ITCH: variants seen among roughly 807,000 people sequenced by gnomAD.
ITCH encodes itchy E3 ubiquitin protein ligase, also known as E3 ubiquitin-protein ligase Itchy homolog.
In ITCH, 28 loss-of-function variants were observed where a neutral mutation model predicts 126.8. That is an observed-to-expected ratio of 0.22 (90% CI 0.16 to 0.30). The LOEUF (loss-of-function observed/expected upper bound fraction) is 0.30. Ranked by LOEUF, ITCH falls within the 10% of genes least tolerant of loss-of-function variation. The pLI is 1.00. For missense variants in ITCH, 631 were observed against 1,032.4 expected, an observed-to-expected ratio of 0.61 and a Z score of 5.33; for synonymous variants, 342 against 340.0, an observed-to-expected ratio of 1.01 and a Z score of -0.06.
intron 6 of ITCH, among the ~76,000 whole-genome samples, chr20:34,414,379 A>G (rs1415882649): frequency 6.7e-6 from 1 of 148,494 alleles, no homozygotes; most frequent in African/African-American, 2.5e-5. Flanking sequence ...TAGATGCCAC[A>G]CCGCCAACTG....
At chr20:34,436,736 A>G (rs932317672) in intron 7 of ITCH, among the ~76,000 whole-genome samples, 9 of 152,224 alleles carry the variant, frequency 5.9e-5, no homozygotes, top group Non-Finnish European at 1.2e-4. Flanking sequence ...ATTTCTGACA[A>G]GCTCCTGTAT....
At chr20:34,480,268 G>T (rs1056520170) in intron 18 of ITCH, among the ~76,000 whole-genome samples, 1 of 151,910 alleles carries the variant, frequency 6.6e-6, no homozygotes, top group African/African-American at 2.4e-5. Flanking sequence ...CGTGATCTCG[G>T]CCCACCACAA....
chr20:34,457,297 A>G, intron 12 of ITCH, 93 bp from the exon 13 acceptor site: 2 of 841,618 alleles, frequency 2.4e-6, no homozygotes, highest in South Asian at 2.9e-5. Flanking sequence ...GAAATGAGAA[A>G]TGGGCAAATT....
chr20:34,384,913 C>T (rs768871868), intron 2 of ITCH, among the ~76,000 whole-genome samples: 5 of 152,074 alleles, frequency 3.3e-5, no homozygotes, highest in South Asian at 2.1e-4. Context: ...CCACCTGCCT[C>T]GGCCTCCTAA....
chr20:34,479,847 C>G, intron 18 of ITCH, 58 bp downstream of exon 18: 1 of 1,448,738 alleles, frequency 6.9e-7, no homozygotes, highest in South Asian at 1.1e-5. Flanking sequence ...TAAATTTTCT[C>G]TTAGGTGCCA....
chr20:34,506,860 A>G (rs1403232651), intron 24 of ITCH, among the ~76,000 whole-genome samples: 1 of 152,156 alleles, frequency 6.6e-6, no homozygotes, highest in East Asian at 1.9e-4. Context: ...ACTTAGAATA[A>G]TATCTTTAAT....
At chr20:34,478,972 C>A (rs910116212) in intron 17 of ITCH, among the ~76,000 whole-genome samples, 3 of 152,084 alleles carry the variant, frequency 2.0e-5, no homozygotes, top group African/African-American at 4.8e-5. Flanking sequence ...AGGCTTATGC[C>A]ACATGTATTA....
chr20:34,502,996 A>G (rs1250772933), intron 23 of ITCH, among the ~76,000 whole-genome samples: 1 of 152,204 alleles, frequency 6.6e-6, no homozygotes, highest in African/African-American at 2.4e-5. Context: ...AGGGTGACAG[A>G]GTGAGACTCT....
At chr20:34,368,663 C>G (rs780477198) in intron 1 of ITCH, among the ~76,000 whole-genome samples, 6 of 152,222 alleles carry the variant, frequency 3.9e-5, no homozygotes, top group Non-Finnish European at 8.8e-5. Flanking sequence ...GTTCCTGCCT[C>G]TATCCTCCTC....
At chr20:34,495,373 T>C (rs1009162974) in intron 23 of ITCH, among the ~76,000 whole-genome samples, 3 of 151,292 alleles carry the variant, frequency 2.0e-5, no homozygotes, top group East Asian at 1.9e-4. Context: ...TGTATAGTGC[T>C]ATAGAACACT....
intron 7 of ITCH, among the ~76,000 whole-genome samples, chr20:34,432,854 G>GGCT (rs1982492938): frequency 1.3e-5 from 2 of 152,132 alleles, no homozygotes; most frequent in Non-Finnish European, 2.9e-5. Flanking sequence ...CTACACAAAA[G>GGCT]GCTGAGTCAG....
chr20:34,400,441 A>G (rs1465398796), intron 3 of ITCH, among the ~76,000 whole-genome samples: 2 of 152,024 alleles, frequency 1.3e-5, no homozygotes, highest in African/African-American at 4.8e-5. Context: ...AGACACATGA[A>G]AGAAGAGAGT....
At chr20:34,470,719 G>A (rs778265768) in intron 15 of ITCH, among the ~76,000 whole-genome samples, 67 of 151,778 alleles carry the variant, frequency 4.4e-4, no homozygotes, top group Admixed American at 1.2e-3. Flanking sequence ...CAGCCTTCTC[G>A]CTAGCTGACA....
intron 11 of ITCH, among the ~76,000 whole-genome samples, chr20:34,446,847 C>G (rs1277119397): frequency 6.6e-6 from 1 of 152,172 alleles, no homozygotes; most frequent in African/African-American, 2.4e-5. Context: ...CTCCATATGA[C>G]TTTGAGTAAG....
At chr20:34,380,714 G>A (rs547551728) in intron 2 of ITCH, among the ~76,000 whole-genome samples, 10 of 149,648 alleles carry the variant, frequency 6.7e-5, no homozygotes, top group African/African-American at 2.0e-4. Context: ...GCCTCCTAAG[G>A]TGCTATGATT....
rs1989783817 is a variant in ITCH, at chr20:34,495,252, CAAA to C, written c.2416+2657_2416+2659del. Among the ~76,000 whole-genome samples the C allele has an allele frequency of 2.3e-4, 33 of 145,482 alleles. No individual in the cohort carries two copies. The Admixed American group carries it at 2.3e-3, about 10-fold the overall frequency. On this transcript the variant is annotated intron_variant, in intron 23 of 24. Transcript: ENST00000374864. The stretch of plus-strand genomic sequence containing the variant: ...TACATTCCAGCCTGGGCGACAAGAA[CAAA>C]ACTCCAACTCAAAAATAAATAAATA...
At position 34,415,199 on chromosome 20, in the gene ITCH, G is replaced by T. The variant is rs150661180; in HGVS notation, c.475+1320G>T. ...ATTATGAAACATTTTGCAGCTGTCA[G>T]GTGCTATTCTTTTTCTACTTTGTTG... On this transcript the variant is annotated intron_variant, in intron 6 of 24. Coordinates refer to ENST00000374864, the MANE Select transcript of ITCH (RefSeq NM_031483.7). 8.4e-4 allele frequency among the ~76,000 whole-genome samples: 128 copies of T among 152,236 alleles called. 1 individual carries two copies. The highest frequency in any genetic ancestry group is 2.6e-3 in the African/African-American group (110 of 41,538).
Position 34,436,863 on chromosome 20 carries a change from G to C in ITCH, c.522-1611G>C, listed in dbSNP as rs1027709559. ...TATGAGGACTGGTACGCAGTGGCTC[G>C]TGCCTGTAATTGTAGCACTTTGGGA... On this transcript the variant is annotated intron_variant, in intron 7 of 24. Transcript: ENST00000374864. 2.6e-5 allele frequency among the ~76,000 whole-genome samples: 4 copies of C among 152,180 alleles called. No homozygotes were observed. In the East Asian group the frequency reaches 5.8e-4, roughly 22 times the overall value.
intron 2 of ITCH, among the ~76,000 whole-genome samples, chr20:34,371,022 G>A (rs999297601): frequency 6.6e-6 from 1 of 151,794 alleles, no homozygotes; most frequent in Non-Finnish European, 1.5e-5. Flanking sequence ...CAAAAAATTA[G>A]CCGGGTGTGG....
Sources: allele counts gnomAD v4.1 joint callset (sites outside exome capture counted in the v4.1 genomes callset), GRCh38; gene constraint gnomAD v4.1.1; transcripts MANE v1.5; gene names NCBI Gene and HGNC (gene_info 2026-07-23, HGNC 2026-07-21).